DLL4: variants seen among roughly 807,000 people sequenced by gnomAD.
The protein encoded by DLL4 is delta-like protein 4.
Under a neutral mutation model 73.6 loss-of-function variants are expected in DLL4, and 7 were observed. That is an observed-to-expected ratio of 0.10 (90% CI 0.05 to 0.18). The LOEUF is 0.18. DLL4 is among the 10% of genes least tolerant of loss of function. The probability of loss-of-function intolerance (pLI) is 1.00; values close to 1 mark genes in which losing one functional copy is unlikely to be tolerated. For synonymous variants in DLL4, 345 were observed against 374.3 expected, an observed-to-expected ratio of 0.92 and a Z score of 0.90; for missense variants, 614 against 929.9, an observed-to-expected ratio of 0.66 and a Z score of 4.42.
In DLL4 at chr15:40,939,005, C is replaced by T. The variant is rs1282619882; in HGVS notation, c.*971C>T. 1 of 150,534 alleles carries T rather than the reference C, an allele frequency of 6.6e-6. No individual in the cohort carries two copies. Among genetic ancestry groups the T allele is most frequent in the African/African-American group, 2.5e-5 (1 of 40,688 alleles). The allele number at this position is 150,534 out of a possible 1,614,324, so 9.3% of individuals were successfully genotyped here. A position where few individuals can be genotyped will look rare whatever the true frequency, so the allele number is the denominator to read the frequency against. On this transcript the variant is annotated 3_prime_UTR_variant, in exon 11 of 11. Coordinates refer to ENST00000249749, the MANE Select transcript of DLL4 (RefSeq NM_019074.4). ...TAATTTAAGAATCAGAAGCACTGAC[C>T]TTTCTACATTTTATAACATTATTTT...
In DLL4 at chr15:40,929,349, G is replaced by T; in HGVS notation, c.-320G>T. The T allele has an allele frequency of 2.5e-6, 1 of 398,666 alleles. No individual in the cohort carries two copies. Among genetic ancestry groups the T allele is most frequent in the Non-Finnish European group, 4.4e-6 (1 of 225,324 alleles). 24.7% of individuals were successfully genotyped at this position (398,666 alleles called of 1,614,324 possible). On this transcript the variant is annotated 5_prime_UTR_variant, in exon 1 of 11. Transcript: ENST00000249749. The surrounding 1 kb of genome is among the most constrained non-coding windows in gnomAD (Gnocchi z 7.1). ...CCAGCGCGCAGGTTTCAGTAGCGGCGCTGCGCGCAGGCCGGGAACACGAGG... is the reference window on the plus strand; with the variant it reads ...CCAGCGCGCAGGTTTCAGTAGCGGCTCTGCGCGCAGGCCGGGAACACGAGG...
Position 40,929,550 on chromosome 15 carries a change from C to T in DLL4, c.-119C>T, listed in dbSNP as rs1892731770. The stretch of plus-strand genomic sequence containing the variant: ...CAGCGAGAAGGCCAAAGGGGAGCAG[C>T]GTCCCGAGAGGAGCGCCTCTTTTCA... On this transcript the variant is annotated 5_prime_UTR_variant, in exon 1 of 11. Coordinates refer to ENST00000249749, the MANE Select transcript of DLL4 (RefSeq NM_019074.4). This position sits in a 1 kb window ranked among gnomAD's most constrained non-coding sequence, Gnocchi z 7.1. 2 of 927,502 alleles carry T rather than the reference C, an allele frequency of 2.2e-6. No homozygotes were observed. The highest frequency in any genetic ancestry group is 1.7e-5 in the South Asian group (1 of 57,202). 57.5% of individuals were successfully genotyped at this position (927,502 alleles called of 1,614,324 possible).
intron 8 of DLL4, among the ~76,000 whole-genome samples, chr15:40,935,901 A>C (rs1892836763): frequency 1.3e-5 from 2 of 152,188 alleles, no homozygotes; most frequent in African/African-American, 4.8e-5. Context: ...ACAAATGGGG[A>C]AACTGAGGCT....
At chr15:40,936,189 C>G (rs753874647) in intron 8 of DLL4, 39 bp from the exon 9 acceptor site, 1 of 1,504,392 alleles carries the variant, frequency 6.6e-7, no homozygotes, top group Non-Finnish European at 8.9e-7. Context: ...CAGGGAGCTC[C>G]CAGGCTATCA....
intron 10 of DLL4, 103 bp from the exon 11 acceptor site, chr15:40,937,926 C>T: frequency 7.0e-7 from 1 of 1,431,484 alleles, no homozygotes; most frequent in African/African-American, 1.4e-5. Flanking sequence ...TGCCCTTAGC[C>T]CCTGCCTGCC....
Position 40,936,229 on chromosome 15 carries a change from G to A in DLL4, c.1242G>A (p.Gly414=). The A allele has an allele frequency of 6.3e-7, 1 of 1,582,702 alleles. No individual in the cohort carries two copies. Residue 414 remains glycine, a splice_region_variant and synonymous_variant, in exon 9 of 11, where the codon GGG becomes GGA. Transcript: ENST00000249749. ...DRCTSNPCAN[G]GQCLNRGPSR... ...CTTGTGTCTCATGCGTCCTCACAGGGGGACAGTGCCTGAACCGAGGTCCAA... is the reference window on the plus strand; with the variant it reads ...CTTGTGTCTCATGCGTCCTCACAGGAGGACAGTGCCTGAACCGAGGTCCAA...
Position 40,930,822 on chromosome 15 carries a change from G to A in DLL4, c.394+140G>A. 1 of 845,938 alleles carries A rather than the reference G, an allele frequency of 1.2e-6. No individual in the cohort carries two copies. The highest frequency in any genetic ancestry group is 2.7e-5 in the East Asian group (1 of 37,192). The allele number at this position is 845,938 out of a possible 1,614,324, so 52.4% of individuals were successfully genotyped here. ...TGGCCTGGAGCTGCGCCCCGCGCTG[G>A]ACGCTCGGATTCCGCTCGCTGCCTG... On this transcript the variant is annotated intron_variant, in intron 3 of 10. Transcript: ENST00000249749. This position sits in a 1 kb window ranked among gnomAD's most constrained non-coding sequence, Gnocchi z 5.7.
intron 6 of DLL4, among the ~76,000 whole-genome samples, chr15:40,933,561 T>C (rs1023304431): frequency 3.3e-5 from 5 of 152,204 alleles, no homozygotes; most frequent in African/African-American, 1.2e-4. Context: ...ATGGTGGCTC[T>C]CATCTCTCCT....
intron 10 of DLL4, 134 bp from the exon 11 acceptor site, chr15:40,937,889 CCGAAGA>C (rs1892867588): frequency 2.0e-6 from 2 of 978,644 alleles, no homozygotes; most frequent in African/African-American, 3.3e-5. Context: ...GTGTGTTGGG[CCGAAGA>C]CTGGGGAGGA....
rs911545880 is a variant in DLL4 at position 40,938,206 on chromosome 15, C to G, written c.*172C>G. 8 of 592,884 alleles carry G rather than the reference C, an allele frequency of 1.3e-5. No individual in the cohort carries two copies. The Middle Eastern group carries it at 1.2e-3, about 87-fold the overall frequency. 36.7% of individuals were successfully genotyped at this position (592,884 alleles called of 1,614,324 possible). A position where few individuals can be genotyped will look rare whatever the true frequency, so the allele number is the denominator to read the frequency against. Reference sequence around the variant, plus strand: ...GTGAACTTGCCAAGAGATGCAATACCCTTCCACACCTTTGGGTGTCTGTCT... The same window carrying G: ...GTGAACTTGCCAAGAGATGCAATACGCTTCCACACCTTTGGGTGTCTGTCT... On this transcript the variant is annotated 3_prime_UTR_variant, in exon 11 of 11. Transcript: ENST00000249749.
At chr15:40,933,943 G>A (rs1185596681) in intron 6 of DLL4, among the ~76,000 whole-genome samples, 6 of 145,742 alleles carry the variant, frequency 4.1e-5, no homozygotes, top group Admixed American at 7.2e-5. Flanking sequence ...GGAGAATGGC[G>A]AAGTAGAGCT....
intron 4 of DLL4, 95 bp downstream of exon 4, chr15:40,931,861 G>A: frequency 6.7e-7 from 1 of 1,488,236 alleles, no homozygotes; most frequent in South Asian, 1.3e-5. Context: ...CTTGAAGAGT[G>A]GGTCTGGGCC....
At chr15:40,933,552 T>C (rs1892801048) in intron 6 of DLL4, among the ~76,000 whole-genome samples, 1 of 152,176 alleles carries the variant, frequency 6.6e-6, no homozygotes, top group South Asian at 2.1e-4. Flanking sequence ...TTACTGCCTA[T>C]GGTGGCTCTC....
intron 4 of DLL4, 91 bp from the exon 5 acceptor site, chr15:40,932,080 G>A: frequency 6.8e-7 from 1 of 1,462,574 alleles, no homozygotes; most frequent in South Asian, 1.2e-5. Context: ...GGGCCCAGGA[G>A]AGCTAGGGGA....
rs540754224 is a variant in DLL4, at chr15:40,936,418, G to A, written c.1431G>A (p.Val477=). 185 of 1,611,618 alleles carry A rather than the reference G, an allele frequency of 1.1e-4. No individual in the cohort carries two copies. The South Asian group carries it at 1.9e-3, about 17-fold the overall frequency. Reference sequence around the variant, plus strand: ...GCTTCTCTGGCCGACGCTGTGAGGTGCGGACATCCATCGATGCCTGTGCCT... The same window carrying A: ...GCTTCTCTGGCCGACGCTGTGAGGTACGGACATCCATCGATGCCTGTGCCT... ...PAGFSGRRCE[V]RTSIDACASS... is the part of the protein sequence containing the mutation. Residue 477 remains valine (V), a synonymous_variant, in exon 9 of 11, where the codon GTG becomes GTA. Coordinates refer to ENST00000249749, the MANE Select transcript of DLL4 (RefSeq NM_019074.4).
chr15:40,937,501 G>GGAAT lies in DLL4; in HGVS notation c.2033_2036dup (p.Cys679Ter), dbSNP rs1566879991. 6.2e-7 allele frequency: 1 copy of GGAAT among 1,613,120 alleles called. No homozygotes were observed. Among genetic ancestry groups the GGAAT allele is most frequent in the South Asian group, 1.1e-5 (1 of 91,068 alleles). On this transcript the variant is annotated frameshift_variant, in exon 10 of 11. Coordinates refer to ENST00000249749, the MANE Select transcript of DLL4 (RefSeq NM_019074.4). LOFTEE classifies it high-confidence loss of function. ...TCTGTGTGTTTGATATCAGAGGAGA[G>GGAAT]GAATGAATGTGTCATTGCCACGGAG...
In DLL4 at chr15:40,932,385, C is replaced by T; in HGVS notation, c.788C>T (p.Thr263Ile). The change falls in exon 6 of 11, where the codon ACC becomes ATC. Residue 263 changes from threonine to isoleucine, a missense_variant. Physicochemically the swap from Thr to Ile is moderately conservative, Grantham distance 89 (BLOSUM62 -1). Coordinates refer to ENST00000249749, the MANE Select transcript of DLL4 (RefSeq NM_019074.4). ...CCCCACAATGGCTGTCGCCACGGCA[C>T]CTGCAGCACTCCCTGGCAATGTACT... ...CIPHNGCRHG[T>I]CSTPWQCTCD... is the part of the protein sequence containing the mutation. The T allele has an allele frequency of 1.2e-6, 2 of 1,613,986 alleles. No individual in the cohort carries two copies. Among genetic ancestry groups the T allele is most frequent in the Non-Finnish European group, 1.7e-6 (2 of 1,179,898 alleles).
At chr15:40,932,108 T>G in intron 4 of DLL4, 63 bp from the exon 5 acceptor site, 1 of 1,592,716 alleles carries the variant, frequency 6.3e-7, no homozygotes, top group Non-Finnish European at 8.6e-7. Flanking sequence ...GGCCAGCAGG[T>G]GAGAATGGGG....
rs771074371 is a variant in DLL4, at chr15:40,936,873, G to A, written c.1886G>A (p.Gly629Glu). Residue 629 changes from glycine to glutamate, a missense_variant, in exon 9 of 11, where the codon GGA (glycine) becomes GAA (glutamate). This residue lies in a region of DLL4 where 386 missense variants were observed against 541.3 expected (regional missense o/e 0.71). Transcript: ENST00000249749. ...CCCCTGGGGCGGGGGACCATGCCAG[G>A]AAAGTTTCCCCACAGTGACAAGAGC... ...PGPLGRGTMPGKFPHSDKSLG... is the reference protein window; with the variant it reads ...PGPLGRGTMPEKFPHSDKSLG... The A allele has an allele frequency of 3.7e-6, 6 of 1,612,932 alleles. No individual in the cohort carries two copies. The highest frequency in any genetic ancestry group is 3.3e-4 in the Middle Eastern group (2 of 6,062).
Sources: gnomAD v4.1 joint callset for allele counts (sites outside exome capture counted in the v4.1 genomes callset) on GRCh38, gnomAD v4.1.1 for gene constraint, gnomAD v4.1.1 regional missense constraint, Gnocchi (gnomAD v3.1) non-coding constraint, MANE v1.5 for transcripts, NCBI Gene and HGNC (gene_info 2026-07-23, HGNC 2026-07-21) for gene names.